FRMD4A: variants seen among roughly 807,000 people sequenced by gnomAD.
The protein encoded by FRMD4A is FERM domain-containing protein 4A.
In FRMD4A, 29 loss-of-function variants were observed where a neutral mutation model predicts 129.1. The observed-to-expected ratio is 0.22, with a 90% confidence interval of 0.17 to 0.31. The LOEUF is 0.31. FRMD4A is among the 10% of genes least tolerant of loss of function. FRMD4A has a pLI of 1.00. For missense variants in FRMD4A, 1,272 were observed against 1,375.8 expected (o/e 0.92, Z 1.19); for synonymous variants, 634 against 571.6 (o/e 1.11, Z -1.56).
intron 2 of FRMD4A, among the ~76,000 whole-genome samples, chr10:14,231,831 C>T (rs1015152133): frequency 1.3e-5 from 2 of 152,140 alleles, no homozygotes; most frequent in Admixed American, 1.3e-4. Flanking sequence ...CGATATTAGA[C>T]CTTTGTCAGA....
intron 2 of FRMD4A, among the ~76,000 whole-genome samples, chr10:13,945,333 C>T (rs1322259174): frequency 6.6e-6 from 1 of 152,054 alleles, no homozygotes; most frequent in African/African-American, 2.4e-5. Flanking sequence ...TTGGTTTTGT[C>T]ATGTGATTTT....
chr10:14,107,688 T>C (rs1018499465), intron 2 of FRMD4A, among the ~76,000 whole-genome samples: 1 of 152,222 alleles, frequency 6.6e-6, no homozygotes, highest in African/African-American at 2.4e-5. Flanking sequence ...TCTTCCCTTT[T>C]CTAGAAAACA....
intron 5 of FRMD4A, among the ~76,000 whole-genome samples, chr10:13,787,026 G>A (rs1455033025): frequency 3.3e-5 from 5 of 152,076 alleles, no homozygotes; most frequent in Non-Finnish European, 7.3e-5. Context: ...AAACTGAATT[G>A]AGGTGGCAAA....
chr10:14,263,778 G>A (rs1228980769), intron 2 of FRMD4A, among the ~76,000 whole-genome samples: 1 of 152,176 alleles, frequency 6.6e-6, no homozygotes, highest in Non-Finnish European at 1.5e-5. Context: ...CAGGTTCTCG[G>A]TTTTCACTGC....
intron 9 of FRMD4A, among the ~76,000 whole-genome samples, chr10:13,741,009 T>C (rs1365325387): frequency 6.6e-6 from 1 of 152,066 alleles, no homozygotes; most frequent in African/African-American, 2.4e-5. Flanking sequence ...GTATTTTTAG[T>C]AGAGACAGGG....
intron 2 of FRMD4A, among the ~76,000 whole-genome samples, chr10:14,145,513 C>A (rs755931083): frequency 2.0e-5 from 3 of 152,118 alleles, no homozygotes; most frequent in Non-Finnish European, 4.4e-5. Flanking sequence ...AATCACACAT[C>A]TATTGTTACG....
At chr10:13,811,290 C>CTTTT (rs1251736240) in intron 3 of FRMD4A, among the ~76,000 whole-genome samples, 1 of 126,380 alleles carries the variant, frequency 7.9e-6, no homozygotes, top group Non-Finnish European at 1.7e-5. Flanking sequence ...CCACGCATGG[C>CTTTT]TTTTTTTTTT....
At chr10:13,939,155 G>A (rs1035884124) in intron 2 of FRMD4A, among the ~76,000 whole-genome samples, 2 of 152,176 alleles carry the variant, frequency 1.3e-5, no homozygotes, top group Non-Finnish European at 2.9e-5. Flanking sequence ...GGAATTCAAC[G>A]CCAGTACCAA....
intron 2 of FRMD4A, among the ~76,000 whole-genome samples, chr10:14,177,258 C>T (rs182141338): frequency 9.9e-5 from 15 of 152,154 alleles, no homozygotes; most frequent in African/African-American, 3.4e-4. Flanking sequence ...AGTGCAGTGG[C>T]ATGATCTTGG....
chr10:14,165,392 G>A (rs530577235), intron 2 of FRMD4A, among the ~76,000 whole-genome samples: 1 of 152,314 alleles, frequency 6.6e-6, no homozygotes, highest in Non-Finnish European at 1.5e-5. Flanking sequence ...GGAAAAAATG[G>A]AATGCCTATA....
chr10:14,220,811 TTTGTGTGTGTGTGTG>T lies in FRMD4A; in HGVS notation c.45+109232_45+109246del, dbSNP rs1564396400. 8.0e-5 allele frequency among the ~76,000 whole-genome samples: 9 copies of T among 112,618 alleles called. No homozygotes were observed. In the East Asian group the frequency reaches 2.1e-3, roughly 26 times the overall value. 73.9% of individuals were successfully genotyped at this position (112,618 alleles called of 152,430 possible). On this transcript the variant is annotated intron_variant, in intron 2 of 24. Transcript: ENST00000357447. ...GTGTGTGTGTGTGTGTGTGTGTGTG[TTTGTGTGTGTGTGTG>T]TGTGTGTGTGTGTTTACTGGGGGCT...
chr10:14,057,810 T>C (rs534407325), intron 2 of FRMD4A, among the ~76,000 whole-genome samples: 11 of 152,294 alleles, frequency 7.2e-5, no homozygotes, highest in Non-Finnish European at 1.5e-5. Flanking sequence ...CCTCAGGTGA[T>C]CCACCCATCT....
chr10:13,651,589 C>G (rs2081584548), intron 24 of FRMD4A: 2 of 278,820 alleles, frequency 7.2e-6, no homozygotes, highest in Admixed American at 9.8e-5. Context: ...AGGAGAATCG[C>G]TTGAACCTGG....
At chr10:14,197,615 C>T (rs1842509896) in intron 2 of FRMD4A, among the ~76,000 whole-genome samples, 1 of 152,244 alleles carries the variant, frequency 6.6e-6, no homozygotes, top group African/African-American at 2.4e-5. Flanking sequence ...CCCACCTCTG[C>T]CTCCCAAAGT....
chr10:14,271,734 T>G (rs542739977), intron 2 of FRMD4A, among the ~76,000 whole-genome samples: 12 of 152,332 alleles, frequency 7.9e-5, no homozygotes, highest in African/African-American at 2.9e-4. Context: ...ATGACTGGCA[T>G]CTATAAAAAT....
intron 2 of FRMD4A, among the ~76,000 whole-genome samples, chr10:14,093,777 T>C (rs1282745287): frequency 6.6e-6 from 1 of 152,220 alleles, no homozygotes; most frequent in African/African-American, 2.4e-5. Context: ...TAGTTACAAA[T>C]GTCACAGCCC....
chr10:14,182,213 A>T (rs186801531), intron 2 of FRMD4A, among the ~76,000 whole-genome samples: 1 of 152,312 alleles, frequency 6.6e-6, no homozygotes, highest in Non-Finnish European at 1.5e-5. Flanking sequence ...TTCTGCTTCT[A>T]AGACTTCTTT....
intron 3 of FRMD4A, among the ~76,000 whole-genome samples, chr10:13,816,074 C>T (rs940587711): frequency 9.8e-5 from 15 of 152,332 alleles, no homozygotes; most frequent in African/African-American, 3.6e-4. Flanking sequence ...ACTTTTTCAA[C>T]AATTGTACCT....
At chr10:14,129,378 A>ATATATG (rs1211776547) in intron 2 of FRMD4A, among the ~76,000 whole-genome samples, 2 of 119,112 alleles carry the variant, frequency 1.7e-5, no homozygotes, top group African/African-American at 7.5e-5. Context: ...ATTCATATAT[A>ATATATG]TATATATATA....
Sources: allele counts gnomAD v4.1 joint callset (sites outside exome capture counted in the v4.1 genomes callset), GRCh38; gene constraint gnomAD v4.1.1; transcripts MANE v1.5; gene names NCBI Gene and HGNC (gene_info 2026-07-23, HGNC 2026-07-21).